Variants in KCND2 observed in about 807,000 individuals in gnomAD.
KCND2 encodes the protein A-type voltage-gated potassium channel KCND2.
In KCND2, 16 loss-of-function variants were observed where a neutral mutation model predicts 54.4. That is an observed-to-expected ratio of 0.29 (90% CI 0.20 to 0.45). KCND2 has a LOEUF of 0.45. KCND2 is among the 20% of genes least tolerant of loss of function. The pLI, the probability that KCND2 is intolerant of heterozygous loss-of-function variation, is 1.00. For missense variants in KCND2, 486 were observed against 824.2 expected (o/e 0.59, Z 5.02); for synonymous variants, 317 against 310.7 (o/e 1.02, Z -0.21).
intron 1 of KCND2, among the ~76,000 whole-genome samples, chr7:120,579,651 AAAAT>A (rs1244436889): frequency 1.2e-4 from 18 of 150,358 alleles, no homozygotes; most frequent in East Asian, 1.9e-4. Flanking sequence ...TAAATAAAAT[AAAAT>A]AAATAAAAAT....
At chr7:120,399,799 C>T (rs568270467) in intron 1 of KCND2, among the ~76,000 whole-genome samples, 2 of 149,624 alleles carry the variant, frequency 1.3e-5, no homozygotes, top group African/African-American at 2.5e-5. Flanking sequence ...GATCTCGGCT[C>T]ACTATAACCT....
chr7:120,297,245 A>G lies in KCND2; in HGVS notation c.1115+21498A>G, dbSNP rs537072983. Among the ~76,000 whole-genome samples, 70 of 152,182 alleles carry G rather than the reference A, an allele frequency of 4.6e-4. 1 individual carries two copies. Among genetic ancestry groups the G allele is most frequent in the African/African-American group, 1.6e-3 (67 of 41,552 alleles). On this transcript the variant is annotated intron_variant, in intron 1 of 5. Transcript: ENST00000331113. ...GAGATAGACATCTCTAATGTCTATCATGCCACTCTCTATGTCCACATGTAC... is the reference window on the plus strand; with the variant it reads ...GAGATAGACATCTCTAATGTCTATCGTGCCACTCTCTATGTCCACATGTAC...
At chr7:120,375,960 T>C (rs1424149578) in intron 1 of KCND2, among the ~76,000 whole-genome samples, 1 of 151,740 alleles carries the variant, frequency 6.6e-6, no homozygotes, top group African/African-American at 2.4e-5. Flanking sequence ...CTGAGTTGTA[T>C]ATTGGGCTTA....
chr7:120,630,559 A>G (rs1478197561), intron 1 of KCND2, among the ~76,000 whole-genome samples: 1 of 152,196 alleles, frequency 6.6e-6, no homozygotes, highest in African/African-American at 2.4e-5. Flanking sequence ...TTAATTTTAA[A>G]TAAAGGAATT....
intron 1 of KCND2, among the ~76,000 whole-genome samples, chr7:120,576,934 C>T (rs1792442001): frequency 6.6e-6 from 1 of 152,076 alleles, no homozygotes; most frequent in African/African-American, 2.4e-5. Flanking sequence ...ATTGCCTGAG[C>T]TCAGGAGTTC....
At chr7:120,588,442 T>TGTGTGTGTGTGTGTGTGTG (rs1792628393) in intron 1 of KCND2, among the ~76,000 whole-genome samples, 2 of 151,074 alleles carry the variant, frequency 1.3e-5, no homozygotes, top group Non-Finnish European at 2.9e-5. Context: ...TGTGTGTGTG[T>TGTGTGTGTGTGTGTGTGTG]TTCCTTGAGT....
At chr7:120,548,050 G>C (rs1000270823) in intron 1 of KCND2, among the ~76,000 whole-genome samples, 1 of 152,016 alleles carries the variant, frequency 6.6e-6, no homozygotes, top group African/African-American at 2.4e-5. Flanking sequence ...CTGGCTATAT[G>C]ATCTTTAAAG....
At chr7:120,449,037 A>T (rs1364780539) in intron 1 of KCND2, among the ~76,000 whole-genome samples, 1 of 152,096 alleles carries the variant, frequency 6.6e-6, no homozygotes, top group Non-Finnish European at 1.5e-5. Context: ...ACGAAATAGA[A>T]ATCTTTTCTC....
chr7:120,470,339 A>C (rs560657859), intron 1 of KCND2, among the ~76,000 whole-genome samples: 1 of 152,212 alleles, frequency 6.6e-6, no homozygotes, highest in East Asian at 1.9e-4. Flanking sequence ...AATGTCCATA[A>C]GTCTGGAGCA....
intron 1 of KCND2, among the ~76,000 whole-genome samples, chr7:120,603,397 C>A (rs767602703): frequency 6.6e-6 from 1 of 152,170 alleles, no homozygotes; most frequent in Non-Finnish European, 1.5e-5. Context: ...GAGCCCCAGA[C>A]TAGACCATTT....
intron 1 of KCND2, among the ~76,000 whole-genome samples, chr7:120,500,278 G>C (rs1802912481): frequency 6.6e-6 from 1 of 152,164 alleles, no homozygotes; most frequent in Non-Finnish European, 1.5e-5. Flanking sequence ...GAAAGGCAGA[G>C]ATAGGTACAC....
At chr7:120,392,137 A>G (rs1801088897) in intron 1 of KCND2, among the ~76,000 whole-genome samples, 1 of 152,144 alleles carries the variant, frequency 6.6e-6, no homozygotes, top group East Asian at 1.9e-4. Context: ...GCATATGGCT[A>G]GCCAGTTTTC....
chr7:120,469,635 G>T (rs1161930550), intron 1 of KCND2, among the ~76,000 whole-genome samples: 1 of 152,134 alleles, frequency 6.6e-6, no homozygotes, highest in Non-Finnish European at 1.5e-5. Flanking sequence ...CCCCAGAAAG[G>T]TTTAGTGGGA....
At chr7:120,653,728 T>C (rs1791767677) in intron 1 of KCND2, among the ~76,000 whole-genome samples, 1 of 152,248 alleles carries the variant, frequency 6.6e-6, no homozygotes, top group African/African-American at 2.4e-5. Context: ...GTAACACACC[T>C]ACTATGTGGC....
chr7:120,534,853 C>A (rs917338065), intron 1 of KCND2, among the ~76,000 whole-genome samples: 2 of 152,096 alleles, frequency 1.3e-5, no homozygotes, highest in African/African-American at 4.8e-5. Flanking sequence ...ATAGAAAATA[C>A]TCCACATACC....
At chr7:120,564,019 A>G (rs1010715852) in intron 1 of KCND2, among the ~76,000 whole-genome samples, 4 of 152,142 alleles carry the variant, frequency 2.6e-5, no homozygotes, top group Non-Finnish European at 5.9e-5. Flanking sequence ...TTAGACATAT[A>G]CCAGCAGAAG....
chr7:120,331,644 C>T (rs1490967304), intron 1 of KCND2, among the ~76,000 whole-genome samples: 2 of 151,908 alleles, frequency 1.3e-5, no homozygotes, highest in African/African-American at 2.4e-5. Flanking sequence ...TTCATAACCC[C>T]ACAAGTAAGT....
intron 1 of KCND2, among the ~76,000 whole-genome samples, chr7:120,449,815 C>A (rs893613245): frequency 1.3e-5 from 2 of 152,188 alleles, no homozygotes; most frequent in African/African-American, 4.8e-5. Flanking sequence ...ATTTCAAATA[C>A]AAATCTTTAA....
intron 1 of KCND2, among the ~76,000 whole-genome samples, chr7:120,705,940 CT>C (rs1792461638): frequency 6.6e-6 from 1 of 152,066 alleles, no homozygotes; most frequent in Non-Finnish European, 1.5e-5. Flanking sequence ...CCCTGAACTC[CT>C]TTCTGTCTCT....
Sources: allele counts gnomAD v4.1 joint callset (sites outside exome capture counted in the v4.1 genomes callset), GRCh38; gene constraint gnomAD v4.1.1; transcripts MANE v1.5; gene names NCBI Gene and HGNC (gene_info 2026-07-23, HGNC 2026-07-21).